The following GOLGA3 variants were observed in gnomAD, a reference collection of about 807,000 sequenced individuals.
GOLGA3 encodes the protein golgin subfamily A member 3.
GOLGA3 carries 75 observed loss-of-function variants against 169.4 expected under a neutral mutation model. That is an observed-to-expected ratio of 0.44 (90% CI 0.37 to 0.54). The LOEUF (loss-of-function observed/expected upper bound fraction) is 0.54, where lower values mean the gene tolerates loss of function less well. Ranked by LOEUF, GOLGA3 falls within the 20% of genes least tolerant of loss-of-function variation. The pLI is 0.00. For synonymous variants in GOLGA3, 824 were observed against 822.4 expected (o/e 1.00, Z -0.03); for missense variants, 1,899 against 1,930.0 (o/e 0.98, Z 0.30).
At position 132,769,265 on chromosome 12, in the gene GOLGA3, G is replaced by A. The variant is rs1207513918; in HGVS notation, c.*3840C>T. ...CCCTCCTCACATCAGAGGGCTCCTC[G>A]AAGGGAGGCCCCAGGACGGTTCTCT... On this transcript the variant is annotated 3_prime_UTR_variant, in exon 24 of 24. Coordinates refer to ENST00000450791, the MANE Select transcript of GOLGA3 (RefSeq NM_001389683.1). The A allele has an allele frequency of 1.3e-5, 2 of 152,246 alleles. No homozygotes were observed. Among genetic ancestry groups the A allele is most frequent in the African/African-American group, 4.8e-5 (2 of 41,468 alleles). 9.4% of individuals were successfully genotyped at this position (152,246 alleles called of 1,614,324 possible).
chr12:132,799,977 G>A (rs960760827), intron 8 of GOLGA3, among the ~76,000 whole-genome samples: 3 of 152,162 alleles, frequency 2.0e-5, no homozygotes, highest in African/African-American at 7.2e-5. Flanking sequence ...CTGGCCTCAA[G>A]TGATCGGCCC....
At chr12:132,820,475 G>C (rs1397308429) in intron 2 of GOLGA3, among the ~76,000 whole-genome samples, 2 of 152,332 alleles carry the variant, frequency 1.3e-5, no homozygotes, top group East Asian at 3.9e-4. Flanking sequence ...CAGAACTCTT[G>C]ATCTTGGGCC....
chr12:132,780,068 C>T (rs1178974421), intron 18 of GOLGA3, among the ~76,000 whole-genome samples: 1 of 142,092 alleles, frequency 7.0e-6, no homozygotes, highest in Non-Finnish European at 1.6e-5. Flanking sequence ...CACACACACA[C>T]CCCAGGCACA....
rs750818044 is a variant in GOLGA3 at position 132,808,033 on chromosome 12, T to G, written c.1036A>C (p.Asn346His). 5.6e-6 allele frequency: 9 copies of G among 1,609,036 alleles called. No homozygotes were observed. In the Middle Eastern group the frequency reaches 1.2e-3, roughly 207 times the overall value. Residue 346 changes from asparagine to histidine, a missense_variant, in exon 5 of 24, where the codon AAC becomes CAC. Asn to His is a moderately conservative substitution (Grantham distance 68, BLOSUM62 1). Transcript: ENST00000450791. Reference sequence around the variant, plus strand: ...GTATCCGCAGGAATCTCCTGGCCGTTGACCATATAGGGGGTGTCCTGCGTG... The same window carrying G: ...GTATCCGCAGGAATCTCCTGGCCGTGGACCATATAGGGGGTGTCCTGCGTG... ...VGTQDTPYMV[N>H]GQEIPADTLG...
intron 1 of GOLGA3, among the ~76,000 whole-genome samples, chr12:132,828,088 C>T (rs1344571169): frequency 6.6e-6 from 1 of 152,180 alleles, no homozygotes; most frequent in Admixed American, 6.5e-5. Context: ...AACTTTCTGC[C>T]TGAGGCGCGC....
rs986801196 is a variant in GOLGA3, at chr12:132,804,908, C to T, written c.1405G>A (p.Glu469Lys). The T allele has an allele frequency of 1.2e-6, 2 of 1,613,850 alleles. No homozygotes were observed. Among genetic ancestry groups the T allele is most frequent in the African/African-American group, 2.7e-5 (2 of 74,946 alleles). Residue 469 changes from glutamate (E) to lysine (K), a missense_variant, in exon 7 of 24, where the codon GAG becomes AAG. By Grantham distance (56) the Glu-to-Lys change is moderately conservative (BLOSUM62 1). Coordinates refer to ENST00000450791, the MANE Select transcript of GOLGA3 (RefSeq NM_001389683.1). This position sits in a 1 kb window ranked among gnomAD's most constrained non-coding sequence, Gnocchi z 4.1. ...CACGACTGCTTCAGGGTGTCCACCTCCGAGCTCAGCGAATCCTGCCGCTGC... is the reference window on the plus strand; with the variant it reads ...CACGACTGCTTCAGGGTGTCCACCTTCGAGCTCAGCGAATCCTGCCGCTGC... ...SQQRQDSLSS[E>K]VDTLKQSCWD...
At chr12:132,797,778 C>T (rs1948925922) in intron 9 of GOLGA3, among the ~76,000 whole-genome samples, 1 of 151,996 alleles carries the variant, frequency 6.6e-6, no homozygotes, top group Non-Finnish European at 1.5e-5. Flanking sequence ...TAAAGGAGAA[C>T]AGCTATCAAG....
chr12:132,824,749 G>A (rs1357635902), intron 1 of GOLGA3, among the ~76,000 whole-genome samples: 1 of 152,114 alleles, frequency 6.6e-6, no homozygotes, highest in Non-Finnish European at 1.5e-5. Flanking sequence ...TGATAAATGG[G>A]CCTTAGAGCC....
chr12:132,792,217 T>G (rs1174761073), intron 11 of GOLGA3, among the ~76,000 whole-genome samples: 1 of 152,144 alleles, frequency 6.6e-6, no homozygotes, highest in Non-Finnish European at 1.5e-5. Flanking sequence ...TCCTCACCAC[T>G]GACAGCATGA....
rs559121326 is a variant in GOLGA3, at chr12:132,805,004, C to T, written c.1309G>A (p.Glu437Lys). 6.2e-7 allele frequency: 1 copy of T among 1,609,604 alleles called. No homozygotes were observed. The highest frequency in any genetic ancestry group is 2.2e-5 in the East Asian group (1 of 44,862). Residue 437 changes from glutamate to lysine, a missense_variant, in exon 7 of 24, where the codon GAG becomes AAG. Transcript: ENST00000450791. ...EASQALKEKA[E>K]LQAQLAALST... The stretch of plus-strand genomic sequence containing the variant: ...AGGGCGGCCAGCTGGGCCTGCAGCT[C>T]AGCCTTCTCTTTAAGTGCCTGAAAA...
intron 2 of GOLGA3, among the ~76,000 whole-genome samples, chr12:132,821,457 T>A (rs199736034): frequency 6.6e-6 from 1 of 151,534 alleles, no homozygotes; most frequent in Non-Finnish European, 1.5e-5. Context: ...TAAAGACCCA[T>A]AGATCCCTTC....
At chr12:132,805,748 C>A (rs763541755) in intron 6 of GOLGA3, among the ~76,000 whole-genome samples, 1 of 152,244 alleles carries the variant, frequency 6.6e-6, no homozygotes, top group Non-Finnish European at 1.5e-5. Context: ...CACAGGGCAG[C>A]GCTAGGGCAG....
intron 21 of GOLGA3, among the ~76,000 whole-genome samples, chr12:132,775,967 G>A (rs999409487): frequency 1.3e-5 from 2 of 152,242 alleles, no homozygotes; most frequent in African/African-American, 4.8e-5. Context: ...CCAAGGGATC[G>A]GAGCCGGCCC....
chr12:132,801,917 C>A lies in GOLGA3; in HGVS notation c.1650G>T (p.Val550=). The A allele has an allele frequency of 6.2e-7, 1 of 1,602,020 alleles. No individual in the cohort carries two copies. ...MTALQSQLQQ[V]QLERTTLTSK... is the part of the protein sequence containing the mutation. ...TGGTCAGCGTCGTCCGCTCCAGCTG[C>A]ACCTGCTGAAGCTGGCTCTGCAAGG... Residue 550 remains valine, a synonymous_variant, in exon 8 of 24, where the codon GTG becomes GTT. Transcript: ENST00000450791.
intron 6 of GOLGA3, among the ~76,000 whole-genome samples, chr12:132,805,645 C>G (rs1478721404): frequency 6.6e-6 from 1 of 151,992 alleles, no homozygotes; most frequent in African/African-American, 2.4e-5. Flanking sequence ...CCCAGGCGCT[C>G]TCCCAGCACA....
At chr12:132,778,018 A>G (rs1377736612) in intron 18 of GOLGA3, among the ~76,000 whole-genome samples, 1 of 152,248 alleles carries the variant, frequency 6.6e-6, no homozygotes, top group Admixed American at 6.5e-5. Flanking sequence ...GGCTGCTGCT[A>G]TCTGTTGAAT....
In GOLGA3 at chr12:132,777,772, G is replaced by T. The variant is rs200121843; in HGVS notation, c.3616C>A (p.Arg1206Ser). ...AAAKVEAGHNRRHFKAASLEL... is the reference protein window; with the variant it reads ...AAAKVEAGHNSRHFKAASLEL... ...AAGGAGGCCGCCTTGAAGTGGCGGCGGTTATGCCCGGCTTCCACCTTGGCA... is the reference window on the plus strand; with the variant it reads ...AAGGAGGCCGCCTTGAAGTGGCGGCTGTTATGCCCGGCTTCCACCTTGGCA... Residue 1206 changes from arginine to serine, a missense_variant, in exon 19 of 24, where the codon CGC becomes AGC. Transcript: ENST00000450791. The surrounding 1 kb of genome is among the most constrained non-coding windows in gnomAD (Gnocchi z 4.7). 6.2e-7 allele frequency: 1 copy of T among 1,613,660 alleles called. No homozygotes were observed. Among genetic ancestry groups the T allele is most frequent in the African/African-American group, 1.3e-5 (1 of 75,038 alleles).
chr12:132,789,333 C>A (rs775840202), intron 12 of GOLGA3, 43 bp from the exon 13 acceptor site: 2 of 1,506,494 alleles, frequency 1.3e-6, no homozygotes, highest in East Asian at 2.3e-5. Flanking sequence ...GGCGGCGGGG[C>A]GTGGGGGGCG....
At chr12:132,816,894 G>C in intron 2 of GOLGA3, 82 bp from the exon 3 acceptor site, 1 of 1,251,432 alleles carries the variant, frequency 8.0e-7, no homozygotes, top group Non-Finnish European at 1.1e-6. Flanking sequence ...TGGAGTAGGA[G>C]AGAAGAGGAT....
Sources: allele counts gnomAD v4.1 joint callset (sites outside exome capture counted in the v4.1 genomes callset), GRCh38; gene constraint gnomAD v4.1.1; non-coding constraint Gnocchi (gnomAD v3.1); transcripts MANE v1.5; gene names NCBI Gene and HGNC (gene_info 2026-07-23, HGNC 2026-07-21).